The following WDPCP variants were observed in gnomAD, a reference collection of about 807,000 sequenced individuals.
The protein encoded by WDPCP is WD repeat-containing and planar cell polarity effector protein fritz homolog.
A neutral mutation model predicts 93.1 loss-of-function variants in WDPCP; 71 were observed. That is an observed-to-expected ratio of 0.76 (90% CI 0.63 to 0.93). The LOEUF is 0.93. Among genes scored for constraint, WDPCP ranks in the 40% least tolerant of loss-of-function variants. WDPCP has a pLI of 0.00. For synonymous variants in WDPCP, 315 were observed against 315.0 expected (o/e 1.00, Z 0.00); for missense variants, 844 against 887.4 (o/e 0.95, Z 0.62).
At chr2:63,231,708 A>G (rs1678901947) in intron 14 of WDPCP, among the ~76,000 whole-genome samples, 1 of 152,230 alleles carries the variant, frequency 6.6e-6, no homozygotes, top group Non-Finnish European at 1.5e-5. Context: ...AGAACATTCC[A>G]TGCTCATGGA....
intron 2 of WDPCP, among the ~76,000 whole-genome samples, chr2:63,655,862 T>A (rs1395244749): frequency 6.6e-6 from 1 of 152,272 alleles, no homozygotes; most frequent in East Asian, 1.9e-4. Flanking sequence ...TATTCCATTG[T>A]ATGTATGCAT....
intron 6 of WDPCP, among the ~76,000 whole-genome samples, chr2:63,445,992 T>C (rs1697836063): frequency 6.6e-6 from 1 of 152,162 alleles, no homozygotes; most frequent in African/African-American, 2.4e-5. Context: ...GGTCTCATAA[T>C]TAGTGGGAAA....
Position 63,153,578 on chromosome 2 carries a change from C to A in WDPCP, c.2079-4G>T. 1 of 1,610,150 alleles carries A rather than the reference C, an allele frequency of 6.2e-7. No individual in the cohort carries two copies. The highest frequency in any genetic ancestry group is 1.1e-5 in the South Asian group (1 of 90,752). Reference sequence around the variant, plus strand: ...ATTCCTTCTGTCAATTATTTGTCTGCAGTATATGGGTGTTTTTAATTGGAA... The same window carrying A: ...ATTCCTTCTGTCAATTATTTGTCTGAAGTATATGGGTGTTTTTAATTGGAA... On this transcript the variant is annotated splice_region_variant and splice_polypyrimidine_tract_variant and intron_variant, in intron 15 of 17. Coordinates refer to ENST00000272321, the MANE Select transcript of WDPCP (RefSeq NM_015910.7).
intron 2 of WDPCP, among the ~76,000 whole-genome samples, chr2:63,707,388 C>T (rs937486629): frequency 9.9e-5 from 15 of 152,058 alleles, no homozygotes; most frequent in African/African-American, 2.4e-4. Flanking sequence ...TATCTTCCAC[C>T]GCTGATACCC....
intron 2 of WDPCP, among the ~76,000 whole-genome samples, chr2:63,720,794 A>C (rs1339271312): frequency 1.3e-5 from 2 of 152,254 alleles, no homozygotes; most frequent in Non-Finnish European, 2.9e-5. Flanking sequence ...GAAACAATAC[A>C]GAGGAAAAAT....
intron 2 of WDPCP, among the ~76,000 whole-genome samples, chr2:63,698,336 T>C (rs1019195745): frequency 6.6e-6 from 1 of 152,120 alleles, no homozygotes; most frequent in Non-Finnish European, 1.5e-5. Flanking sequence ...TGGAGAGAAG[T>C]CACATCCTAT....
At chr2:63,440,533 A>G (rs1479820273) in intron 6 of WDPCP, 1 of 152,292 alleles carries the variant, frequency 6.6e-6, no homozygotes. Context: ...TGTTCACAAA[A>G]CCACTCAACA....
intron 12 of WDPCP, among the ~76,000 whole-genome samples, chr2:63,350,096 G>A (rs140183860): frequency 0.012 from 1,810 of 152,280 alleles, 9 homozygotes; most frequent in Non-Finnish European, 0.019. Flanking sequence ...ATACACCATG[G>A]AATACTATGC....
chr2:63,755,845 A>G (rs968227361), intron 2 of WDPCP, among the ~76,000 whole-genome samples: 2 of 152,226 alleles, frequency 1.3e-5, no homozygotes, highest in African/African-American at 4.8e-5. Context: ...CGCTGCCTGG[A>G]AAATTAGTAA....
At chr2:63,352,848 G>A (rs906900682) in intron 12 of WDPCP, among the ~76,000 whole-genome samples, 1 of 152,154 alleles carries the variant, frequency 6.6e-6, no homozygotes. Flanking sequence ...CACAAATAAT[G>A]TGAATATGAC....
At chr2:63,821,159 C>G (rs1417517456) in intron 1 of WDPCP, among the ~76,000 whole-genome samples, 1 of 152,062 alleles carries the variant, frequency 6.6e-6, no homozygotes, top group Non-Finnish European at 1.5e-5. Context: ...ATGTGTTTGA[C>G]TATTTGTTTC....
chr2:63,137,973 T>C (rs1202880350), intron 17 of WDPCP, among the ~76,000 whole-genome samples: 1 of 152,154 alleles, frequency 6.6e-6, no homozygotes, highest in Non-Finnish European at 1.5e-5. Context: ...TAGTATAGTT[T>C]GAAGTTGGGT....
intron 14 of WDPCP, among the ~76,000 whole-genome samples, chr2:63,228,008 G>A (rs554960126): frequency 6.6e-6 from 1 of 152,136 alleles, no homozygotes; most frequent in South Asian, 2.1e-4. Context: ...GTTACTACTT[G>A]TATCATTTAA....
chr2:63,243,108 T>A (rs1181491596), intron 14 of WDPCP, among the ~76,000 whole-genome samples: 1 of 152,218 alleles, frequency 6.6e-6, no homozygotes, highest in Non-Finnish European at 1.5e-5. Flanking sequence ...TGTATTGTAC[T>A]GTAGACATAT....
At chr2:63,639,300 G>A (rs150554093) in intron 3 of WDPCP, among the ~76,000 whole-genome samples, 1 of 152,262 alleles carries the variant, frequency 6.6e-6, no homozygotes, top group East Asian at 1.9e-4. Context: ...GCGCCATCAT[G>A]CTTGGCTAAT....
At chr2:63,490,155 C>T (rs1700794278) in intron 2 of WDPCP, among the ~76,000 whole-genome samples, 1 of 146,636 alleles carries the variant, frequency 6.8e-6, no homozygotes, top group African/African-American at 2.5e-5. Context: ...ATGAAGGACA[C>T]TAAAGAAACA....
chr2:63,366,004 C>G (rs1294746450), intron 12 of WDPCP, among the ~76,000 whole-genome samples: 1 of 152,102 alleles, frequency 6.6e-6, no homozygotes, highest in Non-Finnish European at 1.5e-5. Flanking sequence ...GGAACTGAGA[C>G]TTGACTTGTC....
intron 2 of WDPCP, among the ~76,000 whole-genome samples, chr2:63,654,059 A>G (rs567996202): frequency 4.6e-4 from 70 of 152,326 alleles, no homozygotes; most frequent in African/African-American, 1.7e-3. Context: ...CAGAAATAAT[A>G]TAAATAAGCT....
intron 2 of WDPCP, among the ~76,000 whole-genome samples, chr2:63,750,894 T>C (rs1669869000): frequency 6.6e-6 from 1 of 152,134 alleles, no homozygotes; most frequent in African/African-American, 2.4e-5. Context: ...TTTTCAAAGA[T>C]TTTTATGTCT....
Sources: gnomAD v4.1 joint callset for allele counts (sites outside exome capture counted in the v4.1 genomes callset) on GRCh38, gnomAD v4.1.1 for gene constraint, MANE v1.5 for transcripts, NCBI Gene and HGNC (gene_info 2026-07-23, HGNC 2026-07-21) for gene names.